The following IL19 variants were observed in gnomAD, a reference collection of about 807,000 sequenced individuals.
IL19 encodes interleukin 19, also known as interleukin-19.
A neutral mutation model predicts 19.5 loss-of-function variants in IL19; 15 were observed. The observed-to-expected ratio is 0.77, with a 90% CI of 0.52 to 1.19. The LOEUF (loss-of-function observed/expected upper bound fraction) is 1.19. Ranked by LOEUF, IL19 falls within the 50% of genes most tolerant of loss-of-function variation. The pLI, the probability that IL19 is intolerant of heterozygous loss-of-function variation, is 0.00. For synonymous variants in IL19, 78 were observed against 78.3 expected (o/e 1.00, Z 0.02); for missense variants, 199 against 213.1 (o/e 0.93, Z 0.41).
intron 2 of IL19, among the ~76,000 whole-genome samples, chr1:206,832,943 G>A (rs1380913246): frequency 6.6e-6 from 1 of 152,114 alleles, no homozygotes; most frequent in Non-Finnish European, 1.5e-5. Context: ...TTCTCTGCCG[G>A]TGCCCTGTGG....
In IL19 at chr1:206,784,331, C is replaced by T. The variant is rs143195775; in HGVS notation, c.-149+13253C>T. On this transcript the variant is annotated intron_variant, in intron 1 of 6. Coordinates refer to ENST00000659997, the MANE Select transcript of IL19 (RefSeq NM_153758.5). ...CCCAGCCTGCCCCTTCTGTTCCCCTCGGCAGGAGCGAGCGAACATGAGTGG... is the reference window on the plus strand; with the variant it reads ...CCCAGCCTGCCCCTTCTGTTCCCCTTGGCAGGAGCGAGCGAACATGAGTGG... Among the ~76,000 whole-genome samples, 416 of 152,296 alleles carry T rather than the reference C, an allele frequency of 2.7e-3. 5 individuals carry two copies. The highest frequency in any genetic ancestry group is 8.3e-3 in the Admixed American group (127 of 15,302).
At chr1:206,798,796 C>T (rs928858661) in intron 1 of IL19, 65 bp from the exon 2 acceptor site, 3 of 862,882 alleles carry the variant, frequency 3.5e-6, no homozygotes, top group African/African-American at 1.7e-5. Context: ...GACCTCAAAG[C>T]CACCAGAAGG....
chr1:206,783,760 C>T (rs1351766153), intron 1 of IL19, among the ~76,000 whole-genome samples: 2 of 152,168 alleles, frequency 1.3e-5, no homozygotes, highest in South Asian at 2.1e-4. Context: ...GCCCTGGAGT[C>T]GGACTGGGTT....
At chr1:206,820,888 G>T (rs191709099) in intron 2 of IL19, among the ~76,000 whole-genome samples, 232 of 152,228 alleles carry the variant, frequency 1.5e-3, no homozygotes, top group African/African-American at 5.3e-3. Flanking sequence ...CATCTCTAGG[G>T]CTCCATCCAG....
intron 2 of IL19, chr1:206,834,286 C>G (rs1676710135): frequency 1.0e-6 from 1 of 985,438 alleles, no homozygotes. Context: ...ATCCACCCAG[C>G]AAACCTTGAC....
At chr1:206,831,593 G>A (rs1420502167) in intron 2 of IL19, among the ~76,000 whole-genome samples, 6 of 152,202 alleles carry the variant, frequency 3.9e-5, no homozygotes, top group Non-Finnish European at 8.8e-5. Context: ...GATAATAAAT[G>A]TCATTTTCAA....
intron 2 of IL19, among the ~76,000 whole-genome samples, chr1:206,819,204 T>G (rs962804838): frequency 6.6e-6 from 1 of 152,164 alleles, no homozygotes; most frequent in Non-Finnish European, 1.5e-5. Context: ...GAGTTTAGCA[T>G]TTCTTAACAT....
At chr1:206,842,252 A>T (rs1193094713) in intron 6 of IL19, among the ~76,000 whole-genome samples, 1 of 152,200 alleles carries the variant, frequency 6.6e-6, no homozygotes, top group Non-Finnish European at 1.5e-5. Flanking sequence ...TTTCCTGTGA[A>T]AAACAGAGGA....
intron 2 of IL19, among the ~76,000 whole-genome samples, chr1:206,826,955 C>G (rs1676452848): frequency 6.6e-6 from 1 of 152,204 alleles, no homozygotes; most frequent in Non-Finnish European, 1.5e-5. Flanking sequence ...CACCACTACT[C>G]AGTTGTCTGA....
At chr1:206,803,872 G>A (rs1055751781) in intron 2 of IL19, among the ~76,000 whole-genome samples, 1 of 152,322 alleles carries the variant, frequency 6.6e-6, no homozygotes, top group Middle Eastern at 3.4e-3. Flanking sequence ...CAGGGACAGG[G>A]TCTGGGACTC....
At chr1:206,789,531 G>A (rs996227759) in intron 1 of IL19, among the ~76,000 whole-genome samples, 1 of 151,978 alleles carries the variant, frequency 6.6e-6, no homozygotes, top group African/African-American at 2.4e-5. Flanking sequence ...CTTTTTTATG[G>A]CTGAGTGGTA....
Position 206,842,620 on chromosome 1 carries a change from TG to T in IL19, c.533del (p.Ter178TyrfsTer7). On this transcript the variant is annotated frameshift_variant and stop_lost, in exon 7 of 7. Coordinates refer to ENST00000659997, the MANE Select transcript of IL19 (RefSeq NM_153758.5). LOFTEE classifies it high-confidence loss of function. ...NKNHEVMFSA[*>X] ...GAATCATGAAGTAATGTTCTCAGCT[TG>T]ATGACAAGGAACCTGTATAGTGATC... 1 of 1,534,876 alleles carries T rather than the reference TG, an allele frequency of 6.5e-7. No homozygotes were observed. The highest frequency in any genetic ancestry group is 8.9e-7 in the Non-Finnish European group (1 of 1,126,736).
chr1:206,786,280 G>A (rs754442403), intron 1 of IL19, among the ~76,000 whole-genome samples: 19 of 152,232 alleles, frequency 1.2e-4, no homozygotes, highest in Non-Finnish European at 2.8e-4. Flanking sequence ...ACTCTGCAAT[G>A]ACTGTAACTG....
rs146419606 is a variant in IL19, at chr1:206,799,081, G to C, written c.-3+75G>C. Reference sequence around the variant, plus strand: ...ACCAGAGATATCCAGTTTATTTCAAGACTCTGGAAGACTGGGTTTTCAGAC... The same window carrying C: ...ACCAGAGATATCCAGTTTATTTCAACACTCTGGAAGACTGGGTTTTCAGAC... On this transcript the variant is annotated intron_variant, in intron 2 of 6. Transcript: ENST00000659997. 6.1e-6 allele frequency: 6 copies of C among 984,152 alleles called. No individual in the cohort carries two copies. The African/African-American group carries it at 6.4e-5, about 11-fold the overall frequency. The allele number at this position is 984,152 out of a possible 1,614,324, so 61.0% of individuals were successfully genotyped here.
chr1:206,836,732 G>C lies in IL19; in HGVS notation c.70G>C (p.Gly24Arg), dbSNP rs367592655. ...GATATTGTGCTCAGTAGACAACCAC[G>C]GTCTCAGGAGATGTCTGATTTCCAC... is the stretch of plus-strand genomic sequence containing the variant. ...ILILCSVDNH[G>R]LRRCLISTDM... The change falls in exon 3 of 7, where the codon GGT becomes CGT. Residue 24 changes from glycine to arginine, a missense_variant. Transcript: ENST00000659997. The C allele has an allele frequency of 1.2e-6, 2 of 1,613,480 alleles. No individual in the cohort carries two copies. The highest frequency in any genetic ancestry group is 2.7e-5 in the African/African-American group (2 of 74,846).
chr1:206,793,355 G>A (rs1448009909), intron 1 of IL19, among the ~76,000 whole-genome samples: 4 of 152,242 alleles, frequency 2.6e-5, no homozygotes, highest in African/African-American at 9.6e-5. Context: ...GGAGGGGAAA[G>A]CCATGAATCA....
chr1:206,778,227 C>G (rs1057181323), intron 1 of IL19, among the ~76,000 whole-genome samples: 1 of 152,212 alleles, frequency 6.6e-6, no homozygotes, highest in Non-Finnish European at 1.5e-5. Context: ...TGGAATTCCC[C>G]TTTGTGCAAC....
At chr1:206,804,945 TA>T (rs1404052266) in intron 2 of IL19, among the ~76,000 whole-genome samples, 1 of 152,246 alleles carries the variant, frequency 6.6e-6, no homozygotes, top group Non-Finnish European at 1.5e-5. Flanking sequence ...CCTTCCTTTC[TA>T]AATCATACCC....
chr1:206,807,021 C>T (rs1675864132), intron 2 of IL19, among the ~76,000 whole-genome samples: 1 of 152,096 alleles, frequency 6.6e-6, no homozygotes, highest in African/African-American at 2.4e-5. Context: ...GCTGGGGAGG[C>T]CTCAGGAAAC....
Sources: gnomAD v4.1 joint callset for allele counts (sites outside exome capture counted in the v4.1 genomes callset) on GRCh38, gnomAD v4.1.1 for gene constraint, MANE v1.5 for transcripts, NCBI Gene and HGNC (gene_info 2026-07-23, HGNC 2026-07-21) for gene names.